Variants in BARX2 observed in about 807,000 individuals in gnomAD.
BARX2 encodes homeobox protein BarH-like 2.
BARX2 carries 11 observed loss-of-function variants against 25.5 expected under a neutral mutation model. The ratio of observed to expected loss-of-function variants is 0.43; its 90% CI spans 0.27 to 0.71. The LOEUF (loss-of-function observed/expected upper bound fraction) is 0.71, where lower values mean the gene tolerates loss of function less well. BARX2 is among the 30% of genes least tolerant of loss of function. BARX2 has a pLI of 0.19. For synonymous variants in BARX2, 137 were observed against 149.5 expected, an observed-to-expected ratio of 0.92 and a Z score of 0.61; for missense variants, 360 against 359.9, an observed-to-expected ratio of 1.00 and a Z score of 0.00.
chr11:129,441,283 C>T (rs1207241129), intron 2 of BARX2, among the ~76,000 whole-genome samples: 1 of 152,124 alleles, frequency 6.6e-6, no homozygotes, highest in Non-Finnish European at 1.5e-5. Context: ...ACAGGTCAGA[C>T]ATCGTGGGTT....
chr11:129,412,879 T>A (rs1861904526), intron 1 of BARX2, among the ~76,000 whole-genome samples: 2 of 152,132 alleles, frequency 1.3e-5, no homozygotes, highest in Non-Finnish European at 2.9e-5. Flanking sequence ...TCTGAAGAGG[T>A]TCAGAGAATA....
At chr11:129,378,563 C>CTTTTTTTT (rs56804728) in intron 1 of BARX2, among the ~76,000 whole-genome samples, 126 of 111,178 alleles carry the variant, frequency 1.1e-3, no homozygotes, top group Non-Finnish European at 1.5e-3. Flanking sequence ...TTTTCTTTTT[C>CTTTTTTTT]TTTTTTTTTT....
rs769413582 is a variant in BARX2 at position 129,381,329 on chromosome 11, A to G, written c.187+5107A>G. Reference sequence around the variant, plus strand: ...GTTGACTAGCAGTTAGGGTGTTTAAAAAATCCCTCTCAACTACTTGTAGAA... The same window carrying G: ...GTTGACTAGCAGTTAGGGTGTTTAAGAAATCCCTCTCAACTACTTGTAGAA... On this transcript the variant is annotated intron_variant, in intron 1 of 3. Coordinates refer to ENST00000281437, the MANE Select transcript of BARX2 (RefSeq NM_003658.5). Among the ~76,000 whole-genome samples, 159 of 152,312 alleles carry G rather than the reference A, an allele frequency of 1.0e-3. 1 individual carries two copies. Among genetic ancestry groups the G allele is most frequent in the Admixed American group, 1.6e-3 (25 of 15,300 alleles).
chr11:129,432,555 G>C (rs1862141237), intron 1 of BARX2, among the ~76,000 whole-genome samples: 1 of 152,096 alleles, frequency 6.6e-6, no homozygotes, highest in South Asian at 2.1e-4. Context: ...CACAATGTTT[G>C]TTTTACTAGA....
At chr11:129,412,759 G>A (rs116509844) in intron 1 of BARX2, among the ~76,000 whole-genome samples, 1,592 of 152,224 alleles carry the variant, frequency 0.01, 24 homozygotes, top group African/African-American at 0.026. Context: ...CTTCTGTCTC[G>A]GCCCTGTTGC....
chr11:129,402,724 G>A (rs1861790562), intron 1 of BARX2, among the ~76,000 whole-genome samples: 1 of 152,174 alleles, frequency 6.6e-6, no homozygotes, highest in Non-Finnish European at 1.5e-5. Flanking sequence ...TTTGTCTCAG[G>A]TTCCCAGCAG....
intron 1 of BARX2, among the ~76,000 whole-genome samples, chr11:129,380,017 G>A (rs931677563): frequency 1.3e-5 from 2 of 151,740 alleles, no homozygotes; most frequent in African/African-American, 2.4e-5. Flanking sequence ...GAGCTGGAGA[G>A]GCTCATAAAA....
intron 1 of BARX2, among the ~76,000 whole-genome samples, chr11:129,378,977 C>A (rs1045213159): frequency 6.6e-6 from 1 of 152,108 alleles, no homozygotes. Context: ...GAATAGTTTT[C>A]ATCTCAGGCA....
intron 1 of BARX2, among the ~76,000 whole-genome samples, chr11:129,406,394 A>G (rs553154366): frequency 1.3e-5 from 2 of 152,332 alleles, no homozygotes; most frequent in South Asian, 2.1e-4. Flanking sequence ...ATTCAGGTCT[A>G]CCCGACACCA....
In BARX2 at chr11:129,451,528, C is replaced by T; in HGVS notation, c.*126C>T. 9.3e-7 allele frequency: 1 copy of T among 1,075,992 alleles called. No individual in the cohort carries two copies. Among genetic ancestry groups the T allele is most frequent in the Non-Finnish European group, 1.3e-6 (1 of 769,034 alleles). The allele number at this position is 1,075,992 out of a possible 1,614,324, so 66.7% of individuals were successfully genotyped here. A position where few individuals can be genotyped will look rare whatever the true frequency, so the allele number is the denominator to read the frequency against. On this transcript the variant is annotated 3_prime_UTR_variant, in exon 4 of 4. Coordinates refer to ENST00000281437, the MANE Select transcript of BARX2 (RefSeq NM_003658.5). ...CGGGCGAAGAGATCTACCCGTCTCC[C>T]TCCCTCCCACAGTTACCATTGGCCT...
rs1283640836 is a variant in BARX2, at chr11:129,376,332, T to C, written c.187+110T>C. 3 of 1,105,610 alleles carry C rather than the reference T, an allele frequency of 2.7e-6. No homozygotes were observed. The highest frequency in any genetic ancestry group is 3.8e-6 in the Non-Finnish European group (3 of 791,722). 68.5% of individuals were successfully genotyped at this position (1,105,610 alleles called of 1,614,324 possible). Reference sequence around the variant, plus strand: ...GAGGAAGGGTTAAGTTAAGGGATTCTTTTCCTGCGCCTCAGCAAGCGGTGG... The same window carrying C: ...GAGGAAGGGTTAAGTTAAGGGATTCCTTTCCTGCGCCTCAGCAAGCGGTGG... On this transcript the variant is annotated intron_variant, in intron 1 of 3. Transcript: ENST00000281437. The surrounding 1 kb of genome is among the most constrained non-coding windows in gnomAD (Gnocchi z 4.2).
intron 1 of BARX2, among the ~76,000 whole-genome samples, chr11:129,401,379 T>G (rs1861774007): frequency 6.6e-6 from 1 of 152,196 alleles, no homozygotes; most frequent in Non-Finnish European, 1.5e-5. Flanking sequence ...TGGGTGATAG[T>G]GAGTCCTGGA....
At chr11:129,391,623 C>T (rs1000547701) in intron 1 of BARX2, among the ~76,000 whole-genome samples, 1 of 152,102 alleles carries the variant, frequency 6.6e-6, no homozygotes, top group Non-Finnish European at 1.5e-5. Context: ...GAGAAAGACC[C>T]GACAGTGGGA....
chr11:129,435,951 A>G (rs1053414018), intron 1 of BARX2, among the ~76,000 whole-genome samples: 1 of 152,224 alleles, frequency 6.6e-6, no homozygotes, highest in Admixed American at 6.5e-5. Flanking sequence ...TAATCGACCC[A>G]GCACCTTTTC....
At chr11:129,424,916 C>A (rs898382725) in intron 1 of BARX2, among the ~76,000 whole-genome samples, 1 of 152,120 alleles carries the variant, frequency 6.6e-6, no homozygotes, top group Admixed American at 6.5e-5. Flanking sequence ...ATAGAGACAT[C>A]TTTACAATAT....
upstream of BARX2, among the ~76,000 whole-genome samples, chr11:129,375,685 G>T (rs1861493680): frequency 6.6e-6 from 1 of 152,110 alleles, no homozygotes; most frequent in South Asian, 2.1e-4. The surrounding 1 kb of genome is among the most constrained non-coding windows in gnomAD (Gnocchi z 4.0). Flanking sequence ...ACTGAGAGCC[G>T]CCGGGCACTA....
intron 1 of BARX2, among the ~76,000 whole-genome samples, chr11:129,406,989 C>G (rs1037738985): frequency 5.3e-5 from 8 of 152,186 alleles, no homozygotes; most frequent in Non-Finnish European, 8.8e-5. Context: ...TGACAGTGGT[C>G]TACTTTATAT....
chr11:129,375,658 C>A (rs1287254563), upstream of BARX2, among the ~76,000 whole-genome samples: 3 of 151,826 alleles, frequency 2.0e-5, no homozygotes, highest in Admixed American at 2.0e-4. The surrounding 1 kb of genome is among the most constrained non-coding windows in gnomAD (Gnocchi z 4.0). Context: ...CGCGAGACAC[C>A]AGAGCGGGAG....
chr11:129,446,980 A>C (rs1374625000), intron 3 of BARX2, among the ~76,000 whole-genome samples: 1 of 152,182 alleles, frequency 6.6e-6, no homozygotes, highest in East Asian at 1.9e-4. Flanking sequence ...GTCTGCTGGG[A>C]GGTTGGGTAA....
Sources: allele counts gnomAD v4.1 joint callset (sites outside exome capture counted in the v4.1 genomes callset), GRCh38; gene constraint gnomAD v4.1.1; non-coding constraint Gnocchi (gnomAD v3.1); transcripts MANE v1.5; gene names NCBI Gene and HGNC (gene_info 2026-07-23, HGNC 2026-07-21).